The following ATP8A2 variants were observed in gnomAD, a reference collection of about 807,000 sequenced individuals.
ATP8A2 encodes ATPase phospholipid transporting 8A2.
ATP8A2 carries 100 observed loss-of-function variants against 165.6 expected under a neutral mutation model. That is an observed-to-expected ratio of 0.60 (90% CI 0.51 to 0.71). The LOEUF is 0.71. Among genes scored for constraint, ATP8A2 ranks in the 30% least tolerant of loss-of-function variants. The pLI, the probability that ATP8A2 is intolerant of heterozygous loss-of-function variation, is 0.00. For missense variants in ATP8A2, 1,227 were observed against 1,479.5 expected (o/e 0.83, Z 2.80); for synonymous variants, 543 against 548.8 (o/e 0.99, Z 0.15).
intron 33 of ATP8A2, among the ~76,000 whole-genome samples, chr13:25,886,538 G>A (rs774354362): frequency 2.0e-4 from 31 of 152,212 alleles, no homozygotes; most frequent in Non-Finnish European, 4.4e-4. Flanking sequence ...CTAGGGGCTG[G>A]AAGGCAGCTA....
rs542540565 is a variant in ATP8A2 at position 25,572,149 on chromosome 13, T to C, written c.1662+457T>C. Reference sequence around the variant, plus strand: ...TCTCTCTCTCTCTCTCTCTCTCTCTTTTTGAGACAGGGTCTCACTCTGTTG... The same window carrying C: ...TCTCTCTCTCTCTCTCTCTCTCTCTCTTTGAGACAGGGTCTCACTCTGTTG... On this transcript the variant is annotated intron_variant, in intron 18 of 36. Coordinates refer to ENST00000381655, the MANE Select transcript of ATP8A2 (RefSeq NM_016529.6). 1.6e-4 allele frequency among the ~76,000 whole-genome samples: 24 copies of C among 148,982 alleles called. No individual in the cohort carries two copies. In the East Asian group the frequency reaches 3.7e-3, roughly 23 times the overall value.
chr13:25,385,419 C>T (rs2033004738), intron 1 of ATP8A2, among the ~76,000 whole-genome samples: 1 of 152,162 alleles, frequency 6.6e-6, no homozygotes. Flanking sequence ...GTAGTAATAC[C>T]TCCTTCACTG....
At chr13:25,499,147 G>A (rs937562485) in intron 2 of ATP8A2, among the ~76,000 whole-genome samples, 2 of 152,152 alleles carry the variant, frequency 1.3e-5, no homozygotes, top group East Asian at 1.9e-4. Context: ...TTACCTGTTA[G>A]TACTCCCTCA....
At chr13:25,727,018 A>G (rs1031787393) in intron 25 of ATP8A2, among the ~76,000 whole-genome samples, 18 of 152,050 alleles carry the variant, frequency 1.2e-4, no homozygotes, top group Admixed American at 1.3e-4. Context: ...TCCGTGTAGT[A>G]CCTGGTGTCT....
intron 5 of ATP8A2, among the ~76,000 whole-genome samples, chr13:25,532,527 GA>G (rs923450554): frequency 2.6e-5 from 4 of 152,174 alleles, no homozygotes; most frequent in Admixed American, 2.6e-4. Flanking sequence ...TAGAATGTTA[GA>G]AAAGGTTGTA....
intron 28 of ATP8A2, among the ~76,000 whole-genome samples, chr13:25,829,145 G>T (rs199960132): frequency 6.6e-6 from 1 of 152,136 alleles, no homozygotes; most frequent in East Asian, 1.9e-4. Flanking sequence ...GCAGTAGTTT[G>T]CCCTGGCCCT....
intron 27 of ATP8A2, among the ~76,000 whole-genome samples, chr13:25,812,819 CG>C (rs1950912261): frequency 6.6e-6 from 1 of 151,934 alleles, no homozygotes; most frequent in Non-Finnish European, 1.5e-5. Flanking sequence ...AGCAAAGACA[CG>C]GAATCAACCC....
intron 10 of ATP8A2, among the ~76,000 whole-genome samples, chr13:25,546,805 C>T (rs963399944): frequency 1.3e-5 from 2 of 152,102 alleles, no homozygotes; most frequent in East Asian, 1.9e-4. Flanking sequence ...CTCCTAGTAA[C>T]CCAAGCTTAC....
chr13:25,875,396 T>C (rs919837863), intron 33 of ATP8A2, among the ~76,000 whole-genome samples: 2 of 151,814 alleles, frequency 1.3e-5, no homozygotes, highest in Non-Finnish European at 2.9e-5. Context: ...AGTAAATATT[T>C]AAATGAAGGA....
At chr13:25,512,274 C>T (rs770724380) in intron 2 of ATP8A2, among the ~76,000 whole-genome samples, 2 of 152,238 alleles carry the variant, frequency 1.3e-5, no homozygotes, top group East Asian at 3.8e-4. Flanking sequence ...TCTCCCATGT[C>T]TACCTCTTTC....
intron 2 of ATP8A2, among the ~76,000 whole-genome samples, chr13:25,524,886 A>ACTTACTTCCTTC (rs1421744248): frequency 1.8e-4 from 26 of 141,724 alleles, no homozygotes; most frequent in Middle Eastern, 3.6e-3. Flanking sequence ...TTGTTTGATA[A>ACTTACTTCCTTC]CTTCCTTCCT....
intron 35 of ATP8A2, among the ~76,000 whole-genome samples, chr13:26,011,013 CA>C (rs1566350231): frequency 6.6e-6 from 1 of 152,158 alleles, no homozygotes. Context: ...GGTGGGTCTG[CA>C]GTCATGGGAG....
intron 33 of ATP8A2, chr13:25,873,954 A>C (rs1422642926): frequency 2.6e-5 from 4 of 152,544 alleles, no homozygotes; most frequent in African/African-American, 9.6e-5. Flanking sequence ...TCTTAAATAT[A>C]TCTGTTTCCA....
chr13:25,724,292 T>C (rs1268865916), intron 25 of ATP8A2, among the ~76,000 whole-genome samples: 2 of 152,176 alleles, frequency 1.3e-5, no homozygotes, highest in East Asian at 1.9e-4. Context: ...TACCCAGCAC[T>C]CCAGAGAAAG....
chr13:26,009,304 C>T (rs1354748720), intron 35 of ATP8A2, among the ~76,000 whole-genome samples: 2 of 152,168 alleles, frequency 1.3e-5, no homozygotes, highest in Non-Finnish European at 2.9e-5. Context: ...GGTGCGCTTC[C>T]TGATTCCTGG....
chr13:25,862,262 G>T, intron 32 of ATP8A2, 39 bp from the exon 33 acceptor site: 1 of 1,487,068 alleles, frequency 6.7e-7, no homozygotes, highest in East Asian at 2.3e-5. Context: ...CTGCCAGGCT[G>T]GTCGAGAAGC....
chr13:25,876,182 G>A (rs538585257), intron 33 of ATP8A2, among the ~76,000 whole-genome samples: 3 of 152,296 alleles, frequency 2.0e-5, no homozygotes, highest in South Asian at 4.2e-4. Context: ...CAGATCAGGG[G>A]GTGGGTGCTC....
intron 27 of ATP8A2, among the ~76,000 whole-genome samples, chr13:25,826,630 A>G (rs1424740934): frequency 6.6e-6 from 1 of 152,198 alleles, no homozygotes; most frequent in Non-Finnish European, 1.5e-5. Context: ...CTATGTTGCC[A>G]GTTAGGTTCT....
rs570667635 is a variant in ATP8A2, at chr13:26,010,023, G to A, written c.3378-2508G>A. ...AGAGGCTGCAGTGAGCCGAGATTGC[G>A]CCACTGCACTCCAGCCTGGGCAACA... On this transcript the variant is annotated intron_variant, in intron 35 of 36. Transcript: ENST00000381655. 1.4e-4 allele frequency among the ~76,000 whole-genome samples: 21 copies of A among 152,220 alleles called. No homozygotes were observed. In the South Asian group the frequency reaches 2.9e-3, roughly 21 times the overall value.
Sources: allele counts gnomAD v4.1 joint callset (sites outside exome capture counted in the v4.1 genomes callset), GRCh38; gene constraint gnomAD v4.1.1; transcripts MANE v1.5; gene names NCBI Gene and HGNC (gene_info 2026-07-23, HGNC 2026-07-21).